Variants in STAC observed in about 807,000 individuals in gnomAD.
The protein encoded by STAC is SH3 and cysteine-rich domain-containing protein.
In STAC, 43 loss-of-function variants were observed where a neutral mutation model predicts 48.8. The ratio of observed to expected loss-of-function variants is 0.88; its 90% confidence interval spans 0.69 to 1.14. The LOEUF is 1.14. Ranked by LOEUF, STAC falls within the 50% of genes most tolerant of loss-of-function variation. STAC has a pLI of 0.00. For synonymous variants in STAC, 193 were observed against 179.5 expected, an observed-to-expected ratio of 1.07 and a Z score of -0.60; for missense variants, 497 against 504.0, an observed-to-expected ratio of 0.99 and a Z score of 0.13.
At chr3:36,452,057 T>C (rs1253249320) in intron 2 of STAC, among the ~76,000 whole-genome samples, 1 of 152,172 alleles carries the variant, frequency 6.6e-6, no homozygotes, top group Admixed American at 6.5e-5. Context: ...ACTAGCACAT[T>C]CTTGCCTTTT....
chr3:36,479,835 C>T lies in STAC; in HGVS notation c.389-3157C>T, dbSNP rs184968477. ...TCACTAGTGATAAAACAAGTCAGAC[C>T]ATGGCTTCTCCATATCTTGCTACAA... On this transcript the variant is annotated intron_variant, in intron 2 of 10. Coordinates refer to ENST00000273183, the MANE Select transcript of STAC (RefSeq NM_003149.3). Among the ~76,000 whole-genome samples, 6 of 152,340 alleles carry T rather than the reference C, an allele frequency of 3.9e-5. No homozygotes were observed. In the East Asian group the frequency reaches 1.2e-3, roughly 29 times the overall value.
At chr3:36,490,709 T>C (rs1451594931) in intron 5 of STAC, among the ~76,000 whole-genome samples, 2 of 152,076 alleles carry the variant, frequency 1.3e-5, no homozygotes, top group Non-Finnish European at 2.9e-5. Context: ...CATTCCATAG[T>C]AGGCAATGAA....
At chr3:36,411,910 T>C (rs1171495432) in intron 1 of STAC, among the ~76,000 whole-genome samples, 1 of 152,210 alleles carries the variant, frequency 6.6e-6, no homozygotes, top group Non-Finnish European at 1.5e-5. Context: ...CAGATTTAAC[T>C]TCTCACAATA....
At chr3:36,457,686 C>T (rs772327314) in intron 2 of STAC, among the ~76,000 whole-genome samples, 23 of 152,232 alleles carry the variant, frequency 1.5e-4, no homozygotes, top group Non-Finnish European at 2.6e-4. Flanking sequence ...TTATTAATAC[C>T]GGGATCAGGG....
intron 1 of STAC, among the ~76,000 whole-genome samples, chr3:36,413,871 T>G (rs1700254164): frequency 6.6e-6 from 1 of 152,172 alleles, no homozygotes; most frequent in Non-Finnish European, 1.5e-5. Context: ...GCAGGGCTGG[T>G]GGTGACAAAA....
rs1699472686 is a variant in STAC at position 36,547,404 on chromosome 3, A to C, written c.*1115A>C. On this transcript the variant is annotated 3_prime_UTR_variant, in exon 11 of 11. Transcript: ENST00000273183. ...TAATGCTTCTTCCTTCAGAAAGTAG[A>C]GGAACTAGGGGCCCAATTAGCATCA... The C allele has an allele frequency of 6.6e-6, 1 of 152,654 alleles. No homozygotes were observed. Among genetic ancestry groups the C allele is most frequent in the Admixed American group, 6.5e-5 (1 of 15,274 alleles). The allele number at this position is 152,654 out of a possible 1,614,324, so 9.5% of individuals were successfully genotyped here. A position where few individuals can be genotyped will look rare whatever the true frequency, so the allele number is the denominator to read the frequency against.
At chr3:36,496,534 C>T (rs1197618682) in intron 6 of STAC, among the ~76,000 whole-genome samples, 2 of 152,216 alleles carry the variant, frequency 1.3e-5, no homozygotes, top group Non-Finnish European at 2.9e-5. Flanking sequence ...AGGAATATCT[C>T]CAAAGCCACC....
chr3:36,448,903 C>A (rs1696597611), intron 2 of STAC, among the ~76,000 whole-genome samples: 2 of 12,652 alleles, frequency 1.6e-4, no homozygotes, highest in Non-Finnish European at 3.0e-4. Context: ...AACAGTGAAC[C>A]CCCCCCCCCA....
At chr3:36,448,410 C>T (rs890512139) in intron 2 of STAC, among the ~76,000 whole-genome samples, 3 of 151,750 alleles carry the variant, frequency 2.0e-5, no homozygotes, top group Admixed American at 6.6e-5. Flanking sequence ...TTAGTAGAGA[C>T]GGGGTTTCGC....
intron 2 of STAC, among the ~76,000 whole-genome samples, chr3:36,465,815 C>A (rs1229965405): frequency 6.6e-6 from 1 of 152,042 alleles, no homozygotes; most frequent in Non-Finnish European, 1.5e-5. Context: ...CTCTCTTTTA[C>A]AAATTTTTCT....
intron 8 of STAC, among the ~76,000 whole-genome samples, chr3:36,515,557 T>C (rs138672636): frequency 6.6e-6 from 1 of 152,244 alleles, no homozygotes; most frequent in Non-Finnish European, 1.5e-5. Flanking sequence ...TTGTGAGACT[T>C]TGATTAATGC....
At chr3:36,517,778 C>T (rs1698708455) in intron 8 of STAC, among the ~76,000 whole-genome samples, 1 of 152,076 alleles carries the variant, frequency 6.6e-6, no homozygotes, top group African/African-American at 2.4e-5. Context: ...GACCATATGT[C>T]ACATCATCCT....
intron 1 of STAC, among the ~76,000 whole-genome samples, chr3:36,422,894 A>T (rs1022058556): frequency 6.6e-6 from 1 of 152,190 alleles, no homozygotes; most frequent in Non-Finnish European, 1.5e-5. Context: ...TGTTTGTAAT[A>T]GAAAATATAC....
intron 8 of STAC, among the ~76,000 whole-genome samples, chr3:36,522,766 T>C (rs1190898790): frequency 6.6e-6 from 1 of 152,166 alleles, no homozygotes; most frequent in Non-Finnish European, 1.5e-5. Context: ...TCAGAAGCAG[T>C]GTCCTCATCT....
intron 8 of STAC, among the ~76,000 whole-genome samples, chr3:36,516,681 T>C (rs1180323560): frequency 2.0e-5 from 3 of 152,170 alleles, no homozygotes; most frequent in Non-Finnish European, 2.9e-5. Context: ...GGCAGTCAGA[T>C]AGGCCTGGGT....
intron 8 of STAC, among the ~76,000 whole-genome samples, chr3:36,513,311 G>A (rs1297741664): frequency 1.3e-5 from 2 of 152,152 alleles, no homozygotes; most frequent in African/African-American, 4.8e-5. Flanking sequence ...CTGCCCCTTA[G>A]GATGAAAGAT....
At chr3:36,396,438 C>T (rs940198610) in intron 1 of STAC, among the ~76,000 whole-genome samples, 5 of 152,094 alleles carry the variant, frequency 3.3e-5, no homozygotes, top group East Asian at 1.9e-4. Flanking sequence ...TCTGATAACA[C>T]ATTATTACTA....
chr3:36,404,355 C>G (rs1367522686), intron 1 of STAC, among the ~76,000 whole-genome samples: 2 of 152,160 alleles, frequency 1.3e-5, no homozygotes, highest in Non-Finnish European at 2.9e-5. Context: ...TTCTAAGGCA[C>G]ATTCTCTTCC....
intron 1 of STAC, among the ~76,000 whole-genome samples, chr3:36,419,409 A>G (rs556516981): frequency 6.6e-6 from 1 of 152,342 alleles, no homozygotes; most frequent in Non-Finnish European, 1.5e-5. Flanking sequence ...CTAAAGGTTC[A>G]CTGAAAAATC....
Sources: allele counts gnomAD v4.1 joint callset (sites outside exome capture counted in the v4.1 genomes callset), GRCh38; gene constraint gnomAD v4.1.1; transcripts MANE v1.5; gene names NCBI Gene and HGNC (gene_info 2026-07-23, HGNC 2026-07-21).